Variants in PPARGC1A observed in about 807,000 individuals in gnomAD.
PPARGC1A encodes peroxisome proliferator-activated receptor gamma coactivator 1-alpha.
A neutral mutation model predicts 88.7 loss-of-function variants in PPARGC1A; 25 were observed. The observed-to-expected ratio is 0.28, with a 90% confidence interval of 0.21 to 0.39. The LOEUF is 0.39. Ranked by LOEUF, PPARGC1A falls within the 10% of genes least tolerant of loss-of-function variation. The pLI, the probability that PPARGC1A is intolerant of heterozygous loss-of-function variation, is 1.00. For synonymous variants in PPARGC1A, 363 were observed against 355.6 expected (o/e 1.02, Z -0.24); for missense variants, 880 against 968.7 (o/e 0.91, Z 1.22).
At chr4:24,319,746 A>T in the PPARGC1A span, among the ~76,000 whole-genome samples, 4 of 152,198 alleles carry the variant, frequency 2.6e-5, no homozygotes, top group East Asian at 7.7e-4. Flanking sequence ...CTCATAACTC[A>T]AGGCAAACAT....
the PPARGC1A span, among the ~76,000 whole-genome samples, chr4:23,964,920 C>T: frequency 6.6e-6 from 1 of 152,170 alleles, no homozygotes; most frequent in Non-Finnish European, 1.5e-5. Flanking sequence ...TCTCCCTCCA[C>T]TTGCCTCTTT....
At chr4:24,168,673 A>G in the PPARGC1A span, among the ~76,000 whole-genome samples, 58,032 of 151,768 alleles carry the variant, frequency 0.38, 13,209 homozygotes, top group African/African-American at 0.64. Context: ...ACACAATGAT[A>G]AGAGTATATC....
the PPARGC1A span, among the ~76,000 whole-genome samples, chr4:24,210,889 T>G: frequency 3.9e-5 from 6 of 152,318 alleles, no homozygotes; most frequent in East Asian, 3.9e-4. Flanking sequence ...TGCAGGGAGC[T>G]CAACCCCAAC....
chr4:23,943,463 G>A, the PPARGC1A span, among the ~76,000 whole-genome samples: 189 of 151,284 alleles, frequency 1.2e-3, 1 homozygote, highest in African/African-American at 4.4e-3. Flanking sequence ...ACAATTTGAG[G>A]GATTTAAGGA....
At chr4:23,809,016 T>A (rs1400337288) in intron 10 of PPARGC1A, among the ~76,000 whole-genome samples, 2 of 152,124 alleles carry the variant, frequency 1.3e-5, no homozygotes, top group Non-Finnish European at 2.9e-5. Flanking sequence ...ATTGCTTTGA[T>A]TAATGAACAA....
chr4:24,020,007 T>C, the PPARGC1A span, among the ~76,000 whole-genome samples: 1 of 152,172 alleles, frequency 6.6e-6, no homozygotes, highest in Non-Finnish European at 1.5e-5. Context: ...AGAAATTATC[T>C]CATTTTTCCT....
the PPARGC1A span, among the ~76,000 whole-genome samples, chr4:23,996,257 G>T: frequency 1.3e-5 from 2 of 152,110 alleles, no homozygotes. Context: ...CCATTATAAT[G>T]CAAAGTCCCA....
upstream of PPARGC1A, chr4:23,890,324 A>T (rs970552128): frequency 5.0e-6 from 1 of 198,572 alleles, no homozygotes; most frequent in Non-Finnish European, 1.0e-5. Context: ...TTTGAATGCC[A>T]CAGACTCTAA....
chr4:24,383,945 T>C, the PPARGC1A span, among the ~76,000 whole-genome samples: 1 of 151,996 alleles, frequency 6.6e-6, no homozygotes, highest in Non-Finnish European at 1.5e-5. Flanking sequence ...AAGGTTGAAA[T>C]GAAGGAAAAA....
upstream of PPARGC1A, among the ~76,000 whole-genome samples, chr4:23,892,254 C>T (rs1288144482): frequency 6.6e-6 from 1 of 152,120 alleles, no homozygotes; most frequent in Non-Finnish European, 1.5e-5. Flanking sequence ...GCACTGAAAC[C>T]AGAAGTGATT....
At chr4:24,036,230 G>C in the PPARGC1A span, among the ~76,000 whole-genome samples, 1 of 152,184 alleles carries the variant, frequency 6.6e-6, no homozygotes, top group South Asian at 2.1e-4. Context: ...ACATTTAAAA[G>C]ACTGACAATA....
At chr4:24,106,888 T>C in the PPARGC1A span, among the ~76,000 whole-genome samples, 2 of 152,224 alleles carry the variant, frequency 1.3e-5, no homozygotes, top group Non-Finnish European at 2.9e-5. Flanking sequence ...GCAGCAGAAC[T>C]GCACAGAAAA....
chr4:23,967,830 G>C, the PPARGC1A span, among the ~76,000 whole-genome samples: 1 of 152,180 alleles, frequency 6.6e-6, no homozygotes, highest in African/African-American at 2.4e-5. Context: ...CACAGAAGCA[G>C]TGTGTGAAGC....
the PPARGC1A span, among the ~76,000 whole-genome samples, chr4:24,174,752 C>T: frequency 2.6e-5 from 4 of 152,172 alleles, no homozygotes; most frequent in African/African-American, 9.7e-5. Flanking sequence ...TGTCATCTAA[C>T]TCACTCCTCT....
the PPARGC1A span, among the ~76,000 whole-genome samples, chr4:24,276,698 G>A: frequency 6.6e-6 from 1 of 152,232 alleles, no homozygotes; most frequent in South Asian, 2.1e-4. Context: ...TCCAAAGGTA[G>A]GAAAATTAAA....
At chr4:23,961,142 G>T in the PPARGC1A span, among the ~76,000 whole-genome samples, 1 of 152,078 alleles carries the variant, frequency 6.6e-6, no homozygotes, top group African/African-American at 2.4e-5. Context: ...AAGTAACACC[G>T]TCTTACTATT....
chr4:23,805,081 T>G (rs1448306418), intron 10 of PPARGC1A, among the ~76,000 whole-genome samples: 1 of 152,172 alleles, frequency 6.6e-6, no homozygotes, highest in Non-Finnish European at 1.5e-5. Flanking sequence ...GAATATCTGC[T>G]ATAAAATCAA....
the PPARGC1A span, among the ~76,000 whole-genome samples, chr4:24,046,509 T>G: frequency 6.6e-6 from 1 of 152,130 alleles, no homozygotes; most frequent in African/African-American, 2.4e-5. Context: ...CTTCCATCCT[T>G]CTTCTACCAG....
intron 2 of PPARGC1A, among the ~76,000 whole-genome samples, chr4:23,834,905 T>C (rs1484179148): frequency 6.6e-6 from 1 of 152,164 alleles, no homozygotes; most frequent in Non-Finnish European, 1.5e-5. Context: ...CTCAAAGTCA[T>C]GAGATTTACA....
Sources: gnomAD v4.1 joint callset for allele counts (sites outside exome capture counted in the v4.1 genomes callset) on GRCh38, gnomAD v4.1.1 for gene constraint, MANE v1.5 for transcripts, NCBI Gene and HGNC (gene_info 2026-07-23, HGNC 2026-07-21) for gene names.